RAPGEF5: variants seen among roughly 807,000 people sequenced by gnomAD.
RAPGEF5 encodes M-Ras-regulated GEF.
A neutral mutation model predicts 125.2 loss-of-function variants in RAPGEF5; 65 were observed. The ratio of observed to expected loss-of-function variants is 0.52; its 90% CI spans 0.43 to 0.64. RAPGEF5 has a LOEUF of 0.64. Among genes scored for constraint, RAPGEF5 ranks in the 30% least tolerant of loss-of-function variants. RAPGEF5 has a pLI of 0.00. For synonymous variants in RAPGEF5, 391 were observed against 385.9 expected (o/e 1.01, Z -0.16); for missense variants, 958 against 1,048.1 (o/e 0.91, Z 1.19).
At chr7:22,267,080 T>C (rs552283218) in intron 6 of RAPGEF5, 68 bp from the exon 7 acceptor site, 1 of 1,419,082 alleles carries the variant, frequency 7.0e-7, no homozygotes, top group South Asian at 1.3e-5. Context: ...AGCAGTACTT[T>C]GTTCTTAGAT....
At chr7:22,321,620 C>A (rs1214294418) in intron 1 of RAPGEF5, among the ~76,000 whole-genome samples, 1 of 152,218 alleles carries the variant, frequency 6.6e-6, no homozygotes, top group African/African-American at 2.4e-5. Context: ...CATGAACTAA[C>A]AAGAACTACC....
chr7:22,272,124 A>G (rs1782442692), intron 6 of RAPGEF5, among the ~76,000 whole-genome samples: 1 of 152,006 alleles, frequency 6.6e-6, no homozygotes, highest in Non-Finnish European at 1.5e-5. Flanking sequence ...TGGGCAGATC[A>G]TGAGGTCAGG....
At chr7:22,273,047 AC>A (rs1264907845) in intron 6 of RAPGEF5, among the ~76,000 whole-genome samples, 1 of 152,154 alleles carries the variant, frequency 6.6e-6, no homozygotes, top group Non-Finnish European at 1.5e-5. Context: ...GGCGTGAGCC[AC>A]CATGCCCAGC....
intron 19 of RAPGEF5, among the ~76,000 whole-genome samples, chr7:22,146,333 G>A (rs974726382): frequency 1.3e-5 from 2 of 152,114 alleles, no homozygotes; most frequent in East Asian, 1.9e-4. Flanking sequence ...TTCATGAATC[G>A]TCAGTAGCAT....
At chr7:22,271,664 G>C (rs189640722) in intron 6 of RAPGEF5, among the ~76,000 whole-genome samples, 1 of 152,154 alleles carries the variant, frequency 6.6e-6, no homozygotes, top group Admixed American at 6.5e-5. Flanking sequence ...AATAGAGGAC[G>C]ATTAAAGGAC....
intron 21 of RAPGEF5, among the ~76,000 whole-genome samples, chr7:22,138,245 A>G (rs1783142610): frequency 6.6e-6 from 1 of 152,138 alleles, no homozygotes. Flanking sequence ...CATGGAACAA[A>G]TCTAGCCATG....
chr7:22,174,995 CAGCAGTCTAAG>C (rs1784461333), intron 11 of RAPGEF5, among the ~76,000 whole-genome samples: 2 of 152,140 alleles, frequency 1.3e-5, no homozygotes, highest in East Asian at 3.9e-4. Flanking sequence ...GAAAAATAAG[CAGCAGTCTAAG>C]GGAGTGGGAT....
At position 22,193,954 on chromosome 7, in the gene RAPGEF5, C is replaced by G. The variant is rs745367615; in HGVS notation, c.1076G>C (p.Gly359Ala). ...CGCACTCCCAGCTGTGGGGGCTGGG[C>G]CACAGCACTGCACTTTCTTCAGCAC... ...VLVLKKVQCC[G>A]PAPTAGSAES... The change falls in exon 10 of 26, where the codon GGC (glycine) becomes GCC (alanine). Residue 359 changes from glycine to alanine, a missense_variant. By Grantham distance (60) the Gly-to-Ala change is moderately conservative (BLOSUM62 0). Transcript: ENST00000665637. 3 of 1,613,890 alleles carry G rather than the reference C, an allele frequency of 1.9e-6. No individual in the cohort carries two copies. The highest frequency in any genetic ancestry group is 2.5e-6 in the Non-Finnish European group (3 of 1,179,876).
chr7:22,250,903 G>A (rs557602348), intron 7 of RAPGEF5, among the ~76,000 whole-genome samples: 1 of 152,202 alleles, frequency 6.6e-6, no homozygotes, highest in South Asian at 2.1e-4. Context: ...TGGAAACTGA[G>A]GCTGAAAAAA....
chr7:22,217,208 G>T (rs1785658742), intron 9 of RAPGEF5, among the ~76,000 whole-genome samples: 1 of 152,174 alleles, frequency 6.6e-6, no homozygotes, highest in South Asian at 2.1e-4. Flanking sequence ...TAAAAGAAAG[G>T]AAATCTGTAT....
At position 22,154,558 on chromosome 7, in the gene RAPGEF5, C is replaced by T. The variant is rs1292376974; in HGVS notation, c.1683G>A (p.Lys561=). 4 of 1,613,872 alleles carry T rather than the reference C, an allele frequency of 2.5e-6. No homozygotes were observed. Among genetic ancestry groups the T allele is most frequent in the Non-Finnish European group, 2.5e-6 (3 of 1,179,812 alleles). ...CTTGGGCTATACTGGAAACTTTTGC[C>T]TTCACACTGACATAGGAGTGCTCTG... ...YITEHSYVSV[K]AKVSSIAQEI... The change falls in exon 17 of 26, where the codon AAG becomes AAA. Residue 561 remains lysine (K), a synonymous_variant. Transcript: ENST00000665637.
chr7:22,129,771 G>A (rs902208182), intron 24 of RAPGEF5, among the ~76,000 whole-genome samples: 1 of 152,158 alleles, frequency 6.6e-6, no homozygotes, highest in Non-Finnish European at 1.5e-5. Context: ...GTGAAGTGAT[G>A]GTCTTCGGTG....
intron 7 of RAPGEF5, among the ~76,000 whole-genome samples, chr7:22,262,662 A>G (rs1008414685): frequency 6.6e-6 from 1 of 152,248 alleles, no homozygotes; most frequent in African/African-American, 2.4e-5. Flanking sequence ...AAAATAGCCA[A>G]AGAACTGGAA....
rs1273508149 is a variant in RAPGEF5, at chr7:22,323,481, T to G, written c.232-5444A>C. On this transcript the variant is annotated intron_variant, in intron 1 of 25. Transcript: ENST00000665637. ...TCTTGGGAATATTTCTTTTGGGCTG[T>G]GTTTACAAACAAGAGAATAGTTTTG... Among the ~76,000 whole-genome samples, 8 of 152,266 alleles carry G rather than the reference T, an allele frequency of 5.3e-5. 1 individual carries two copies. The highest frequency in any genetic ancestry group is 4.6e-4 in the Admixed American group (7 of 15,282).
chr7:22,265,530 T>A (rs189933532), intron 7 of RAPGEF5, among the ~76,000 whole-genome samples: 1 of 152,330 alleles, frequency 6.6e-6, no homozygotes, highest in East Asian at 1.9e-4. Context: ...ATTCCACATC[T>A]TGCCTATTGT....
intron 3 of RAPGEF5, among the ~76,000 whole-genome samples, chr7:22,312,231 T>C (rs1783488126): frequency 1.3e-5 from 2 of 151,808 alleles, no homozygotes; most frequent in Non-Finnish European, 1.5e-5. Flanking sequence ...TTTTTGAGAC[T>C]GAGTTTCACT....
intron 7 of RAPGEF5, among the ~76,000 whole-genome samples, chr7:22,256,446 T>A (rs2128139370): frequency 6.6e-6 from 1 of 152,308 alleles, no homozygotes; most frequent in South Asian, 2.1e-4. Flanking sequence ...GGTTACCAAA[T>A]TTTACGCCAG....
intron 15 of RAPGEF5, 38 bp from the exon 16 acceptor site, chr7:22,156,926 T>A: frequency 1.2e-6 from 2 of 1,611,438 alleles, no homozygotes; most frequent in Non-Finnish European, 8.5e-7. Flanking sequence ...AATGAATACA[T>A]TCCTGCCCTT....
chr7:22,154,008 G>A (rs1247142321), intron 17 of RAPGEF5, among the ~76,000 whole-genome samples: 1 of 152,192 alleles, frequency 6.6e-6, no homozygotes, highest in Non-Finnish European at 1.5e-5. Flanking sequence ...ATATTGCCGT[G>A]TGAGCTTTCA....
Sources: allele counts gnomAD v4.1 joint callset (sites outside exome capture counted in the v4.1 genomes callset), GRCh38; gene constraint gnomAD v4.1.1; transcripts MANE v1.5; gene names NCBI Gene and HGNC (gene_info 2026-07-23, HGNC 2026-07-21).